Variants in RMDN2 observed in about 807,000 individuals in gnomAD.
RMDN2 encodes the protein regulator of microtubule dynamics protein 2.
A neutral mutation model predicts 52.8 loss-of-function variants in RMDN2; 61 were observed. That is an observed-to-expected ratio of 1.16 (90% CI 0.94 to 1.43). The LOEUF (loss-of-function observed/expected upper bound fraction) is 1.43. Ranked by LOEUF, RMDN2 falls within the 40% of genes most tolerant of loss-of-function variation. The probability of loss-of-function intolerance (pLI) is 0.00; values close to 1 mark genes in which losing one functional copy is unlikely to be tolerated. For synonymous variants in RMDN2, 180 were observed against 153.1 expected, an observed-to-expected ratio of 1.18 and a Z score of -1.30; for missense variants, 592 against 475.3, an observed-to-expected ratio of 1.25 and a Z score of -2.28.
upstream of RMDN2, among the ~76,000 whole-genome samples, chr2:37,922,175 T>C (rs188632236): frequency 4.6e-5 from 7 of 152,346 alleles, no homozygotes; most frequent in East Asian, 1.3e-3. Context: ...AGCCTGGAAA[T>C]GAAGGTTGAT....
At chr2:37,977,408 CG>C (rs1558500290) in intron 4 of RMDN2, among the ~76,000 whole-genome samples, 1 of 151,158 alleles carries the variant, frequency 6.6e-6, no homozygotes, top group East Asian at 2.0e-4. Context: ...ACTTCCCAGA[CG>C]GGTCGGCCGG....
At chr2:37,997,295 A>C in intron 7 of RMDN2, 121 bp from the exon 8 acceptor site, 1 of 680,252 alleles carries the variant, frequency 1.5e-6, no homozygotes, top group South Asian at 1.7e-5. Flanking sequence ...TCATTTGTAT[A>C]TGTTATATCT....
chr2:38,030,007 C>T (rs1680068599), intron 10 of RMDN2: 1 of 152,168 alleles, frequency 6.6e-6, no homozygotes, highest in East Asian at 1.9e-4. Context: ...TACTCACTAC[C>T]ACGAGAACAG....
At chr2:38,015,959 C>G (rs1198258097) in intron 10 of RMDN2, among the ~76,000 whole-genome samples, 1 of 152,184 alleles carries the variant, frequency 6.6e-6, no homozygotes, top group Non-Finnish European at 1.5e-5. Flanking sequence ...AAGGAATAAC[C>G]TGAGCTCCAA....
chr2:38,015,836 T>G (rs1678696863), intron 10 of RMDN2, among the ~76,000 whole-genome samples: 1 of 152,208 alleles, frequency 6.6e-6, no homozygotes, highest in Non-Finnish European at 1.5e-5. Context: ...ACAGCAGAAT[T>G]GGCCTGGGGA....
At chr2:38,002,012 A>G (rs1414317066) in intron 8 of RMDN2, among the ~76,000 whole-genome samples, 2 of 152,126 alleles carry the variant, frequency 1.3e-5, no homozygotes, top group Non-Finnish European at 2.9e-5. Flanking sequence ...ACGCCCAGAC[A>G]CTGTTAACCT....
intron 2 of RMDN2, among the ~76,000 whole-genome samples, chr2:37,964,336 A>G (rs921613720): frequency 6.6e-6 from 1 of 152,236 alleles, no homozygotes. Flanking sequence ...TTTTCCTCCT[A>G]TCACCTCTTT....
downstream of RMDN2, among the ~76,000 whole-genome samples, chr2:38,020,302 C>T (rs747314594): frequency 2.6e-5 from 4 of 151,902 alleles, no homozygotes; most frequent in East Asian, 1.9e-4. Flanking sequence ...CTAGGGGTGA[C>T]GGGAGACCGT....
intron 8 of RMDN2, among the ~76,000 whole-genome samples, chr2:38,001,230 G>A (rs190479200): frequency 2.0e-5 from 3 of 152,200 alleles, no homozygotes; most frequent in Non-Finnish European, 4.4e-5. Context: ...CAAATACTGG[G>A]AACACAGAAA....
intron 2 of RMDN2, chr2:37,951,216 C>T (rs754382991): frequency 1.3e-6 from 2 of 1,535,036 alleles, no homozygotes; most frequent in Non-Finnish European, 1.7e-6. Flanking sequence ...CTCATTTGAC[C>T]CTTTTCTCAC....
At chr2:38,017,026 C>T (rs1014093610) in intron 10 of RMDN2, among the ~76,000 whole-genome samples, 160 bp from the exon 11 acceptor site, 2 of 151,988 alleles carry the variant, frequency 1.3e-5, no homozygotes, top group Admixed American at 6.6e-5. Flanking sequence ...CTGTCAATGT[C>T]CTGAATTAGG....
At chr2:37,922,304 C>G (rs1022280872), upstream of RMDN2, among the ~76,000 whole-genome samples, 3 of 151,268 alleles carry the variant, frequency 2.0e-5, no homozygotes, top group African/African-American at 7.3e-5. Context: ...TTGGAAATAA[C>G]AACAAGGAAC....
At chr2:37,982,037 G>A (rs1217518815) in intron 5 of RMDN2, among the ~76,000 whole-genome samples, 1 of 151,944 alleles carries the variant, frequency 6.6e-6, no homozygotes, top group East Asian at 1.9e-4. Context: ...CCCAGATAGT[G>A]GGAAGATACA....
chr2:38,059,461 G>C (rs916391695), intron 10 of RMDN2, among the ~76,000 whole-genome samples: 5 of 152,196 alleles, frequency 3.3e-5, no homozygotes, highest in African/African-American at 1.2e-4. Flanking sequence ...GTCCACCCCT[G>C]TAGAGTTTAT....
intron 4 of RMDN2, among the ~76,000 whole-genome samples, chr2:37,979,452 A>G (rs1673012179): frequency 6.6e-6 from 1 of 152,210 alleles, no homozygotes; most frequent in South Asian, 2.1e-4. Context: ...TGAGGGAGGA[A>G]GTGCAGAAGA....
intron 2 of RMDN2, among the ~76,000 whole-genome samples, chr2:37,934,224 G>T (rs1197512719): frequency 1.3e-5 from 2 of 152,164 alleles, no homozygotes; most frequent in Non-Finnish European, 2.9e-5. Context: ...ATCCTTAGTT[G>T]TTGACAAAAA....
intron 2 of RMDN2, chr2:37,950,621 A>C: frequency 6.2e-7 from 1 of 1,609,286 alleles, no homozygotes; most frequent in Non-Finnish European, 8.5e-7. Flanking sequence ...AAACTTCAAC[A>C]TGTGCTAAAA....
chr2:37,933,132 C>A (rs907822276), intron 2 of RMDN2, among the ~76,000 whole-genome samples: 1 of 151,698 alleles, frequency 6.6e-6, no homozygotes, highest in Non-Finnish European at 1.5e-5. Context: ...ACATCCCGGA[C>A]GGGGCAGCAG....
intron 2 of RMDN2, among the ~76,000 whole-genome samples, chr2:37,944,634 G>T (rs867737014): frequency 6.6e-6 from 1 of 152,308 alleles, no homozygotes; most frequent in Middle Eastern, 3.4e-3. Context: ...GAGAAGCTTT[G>T]CAGGAGAAGT....
Sources: allele counts gnomAD v4.1 joint callset (sites outside exome capture counted in the v4.1 genomes callset), GRCh38; gene constraint gnomAD v4.1.1; transcripts MANE v1.5; gene names NCBI Gene and HGNC (gene_info 2026-07-23, HGNC 2026-07-21).